Variants in OXR1 observed in about 807,000 individuals in gnomAD.
OXR1 encodes the protein oxidation resistance 1, also known as oxidation resistance protein 1.
A neutral mutation model predicts 104.6 loss-of-function variants in OXR1; 41 were observed. That is an observed-to-expected ratio of 0.39 (90% CI 0.31 to 0.51). The LOEUF is 0.51. Among genes scored for constraint, OXR1 ranks in the 20% least tolerant of loss-of-function variants. The pLI is 0.77. For synonymous variants in OXR1, 348 were observed against 348.4 expected, an observed-to-expected ratio of 1.00 and a Z score of 0.01; for missense variants, 955 against 1,031.9, an observed-to-expected ratio of 0.93 and a Z score of 1.02.
At chr8:106,380,516 CT>C (rs1158584801) in intron 2 of OXR1, among the ~76,000 whole-genome samples, 1 of 152,138 alleles carries the variant, frequency 6.6e-6, no homozygotes, top group Non-Finnish European at 1.5e-5. Flanking sequence ...CCTGGTAACT[CT>C]TGTGTTTAAC....
chr8:106,656,740 A>T (rs1054427769), intron 3 of OXR1, among the ~76,000 whole-genome samples: 2 of 151,536 alleles, frequency 1.3e-5, no homozygotes, highest in South Asian at 2.1e-4. Flanking sequence ...GATGGCTGAT[A>T]TTAGAATGGT....
chr8:106,628,725 G>A (rs777645213), intron 3 of OXR1, among the ~76,000 whole-genome samples: 2 of 152,002 alleles, frequency 1.3e-5, no homozygotes, highest in African/African-American at 2.4e-5. Flanking sequence ...ATCTTCACAC[G>A]CATCATACTT....
intron 1 of OXR1, chr8:106,272,937 AG>A: frequency 6.6e-6 from 1 of 152,174 alleles, no homozygotes; most frequent in East Asian, 1.9e-4. Flanking sequence ...GTCACGGAAG[AG>A]GGAAAGTCGG....
In OXR1 at chr8:106,370,972, G is replaced by A. The variant is rs550297948; in HGVS notation, c.23+11336G>A. Among the ~76,000 whole-genome samples the A allele has an allele frequency of 4.6e-5, 7 of 151,950 alleles. 1 individual carries two copies. In the South Asian group the frequency reaches 1.5e-3, roughly 32 times the overall value. ...GTTTGGAATAGTTTCAGAAGGAATG[G>A]TACCAGCTCCTCTTTGTACCTCTGG... On this transcript the variant is annotated intron_variant, in intron 2 of 16. Coordinates refer to ENST00000517566, the MANE Select transcript of OXR1 (RefSeq NM_001198533.2).
At chr8:106,578,237 C>T (rs952289923) in intron 3 of OXR1, among the ~76,000 whole-genome samples, 1 of 152,062 alleles carries the variant, frequency 6.6e-6, no homozygotes, top group Non-Finnish European at 1.5e-5. Flanking sequence ...CAACTATTTC[C>T]CTTTGCTGCC....
intron 3 of OXR1, among the ~76,000 whole-genome samples, chr8:106,626,591 AG>A (rs1442207070): frequency 2.7e-5 from 3 of 111,068 alleles, no homozygotes; most frequent in South Asian, 5.7e-4. Flanking sequence ...TCATTTTCTT[AG>A]GTTTTTTTTT....
intron 2 of OXR1, among the ~76,000 whole-genome samples, chr8:106,452,741 T>G (rs1820386865): frequency 6.6e-6 from 1 of 152,200 alleles, no homozygotes; most frequent in South Asian, 2.1e-4. Flanking sequence ...TTGCTTTTTG[T>G]TGTTTGTTTT....
chr8:106,335,662 G>A (rs926813261), intron 1 of OXR1, among the ~76,000 whole-genome samples: 6 of 152,112 alleles, frequency 3.9e-5, no homozygotes, highest in African/African-American at 9.6e-5. Flanking sequence ...GTGATTTCCC[G>A]ATTATTTGAT....
intron 3 of OXR1, among the ~76,000 whole-genome samples, chr8:106,563,352 A>G (rs1181531572): frequency 6.6e-6 from 1 of 152,152 alleles, no homozygotes; most frequent in Non-Finnish European, 1.5e-5. Context: ...AGTCTCTGGT[A>G]AAACAGAGTT....
intron 3 of OXR1, among the ~76,000 whole-genome samples, chr8:106,616,687 AT>A (rs770714629): frequency 2.8e-4 from 43 of 152,302 alleles, no homozygotes; most frequent in Non-Finnish European, 4.0e-4. Context: ...TCTTAGTATT[AT>A]TACTATTTAT....
intron 2 of OXR1, among the ~76,000 whole-genome samples, chr8:106,417,112 A>G (rs1818712912): frequency 6.6e-6 from 1 of 152,264 alleles, no homozygotes; most frequent in South Asian, 2.1e-4. Context: ...TATGTTTAAC[A>G]CACATATATT....
At chr8:106,749,078 C>T (rs1310410362) in intron 16 of OXR1, among the ~76,000 whole-genome samples, 1 of 151,940 alleles carries the variant, frequency 6.6e-6, no homozygotes, top group Non-Finnish European at 1.5e-5. Flanking sequence ...CACGGTGGCT[C>T]ACGCCTGTAA....
chr8:106,394,922 A>G (rs1360898170), intron 2 of OXR1, among the ~76,000 whole-genome samples: 1 of 152,138 alleles, frequency 6.6e-6, no homozygotes, highest in East Asian at 1.9e-4. Flanking sequence ...AAAAGGATCA[A>G]CCTAAGGATC....
chr8:106,557,981 T>A (rs1476609358), intron 3 of OXR1, among the ~76,000 whole-genome samples: 1 of 152,216 alleles, frequency 6.6e-6, no homozygotes, highest in East Asian at 1.9e-4. Flanking sequence ...TATATTACAT[T>A]TTACTGTGAT....
At chr8:106,338,049 G>T (rs946882170) in intron 1 of OXR1, among the ~76,000 whole-genome samples, 6 of 152,078 alleles carry the variant, frequency 3.9e-5, no homozygotes, top group African/African-American at 1.2e-4. Context: ...TATTTTATCT[G>T]TTAAACAAAA....
chr8:106,687,096 C>G (rs905923980), intron 6 of OXR1, among the ~76,000 whole-genome samples: 1 of 152,194 alleles, frequency 6.6e-6, no homozygotes, highest in Non-Finnish European at 1.5e-5. Context: ...TAGACTGCAT[C>G]AGTGCACTCT....
chr8:106,280,115 G>A (rs1420174410), intron 1 of OXR1, among the ~76,000 whole-genome samples: 2 of 152,136 alleles, frequency 1.3e-5, no homozygotes. Context: ...TGTGCCTGCT[G>A]GGCAGGCACA....
intron 1 of OXR1, among the ~76,000 whole-genome samples, chr8:106,348,723 T>C (rs1414384679): frequency 1.3e-5 from 2 of 152,114 alleles, no homozygotes; most frequent in African/African-American, 4.8e-5. Context: ...CTGAAAAACT[T>C]TGAGTTTTGA....
intron 1 of OXR1, among the ~76,000 whole-genome samples, chr8:106,303,588 T>G (rs1813353151): frequency 6.6e-6 from 1 of 152,088 alleles, no homozygotes; most frequent in African/African-American, 2.4e-5. Context: ...CAAGGAAACC[T>G]ACTAAATAGA....
Sources: allele counts gnomAD v4.1 joint callset (sites outside exome capture counted in the v4.1 genomes callset), GRCh38; gene constraint gnomAD v4.1.1; transcripts MANE v1.5; gene names NCBI Gene and HGNC (gene_info 2026-07-23, HGNC 2026-07-21).